The following ADSL variants were observed in gnomAD, a reference collection of about 807,000 sequenced individuals.
ADSL encodes the protein adenylosuccinase.
ADSL carries 44 observed loss-of-function variants against 62.1 expected under a neutral mutation model. The observed-to-expected ratio is 0.71, with a 90% CI of 0.56 to 0.91. The LOEUF is 0.91. ADSL is among the 40% of genes least tolerant of loss of function. The pLI is 0.00. For missense variants in ADSL, 531 were observed against 627.4 expected (o/e 0.85, Z 1.64); for synonymous variants, 198 against 220.5 (o/e 0.90, Z 0.90).
In ADSL at chr22:40,346,523, T is replaced by A. The variant is rs544434425; in HGVS notation, c.-36T>A. ...CCAGGTTTCCGCTTCCGCTCTTCCCTGGTCCAGTCCACCCTGGCGGGGTCG... is the reference window on the plus strand; with the variant it reads ...CCAGGTTTCCGCTTCCGCTCTTCCCAGGTCCAGTCCACCCTGGCGGGGTCG... On this transcript the variant is annotated 5_prime_UTR_variant, in exon 1 of 13. Coordinates refer to ENST00000623063, the MANE Select transcript of ADSL (RefSeq NM_000026.4). 15 of 1,586,932 alleles carry A rather than the reference T, an allele frequency of 9.5e-6. No homozygotes were observed. In the East Asian group the frequency reaches 3.4e-4, roughly 36 times the overall value.
At chr22:40,387,081 G>A in intron 2 of ADSL, 1 of 395,146 alleles carries the variant, frequency 2.5e-6, no homozygotes, top group Admixed American at 4.4e-5. Flanking sequence ...GATAACTAGA[G>A]TTGTGCTAGT....
chr22:40,364,863 C>A lies in ADSL; in HGVS notation c.1192-17C>A. 1 of 1,614,052 alleles carries A rather than the reference C, an allele frequency of 6.2e-7. No homozygotes were observed. Among genetic ancestry groups the A allele is most frequent in the Non-Finnish European group, 8.5e-7 (1 of 1,179,908 alleles). On this transcript the variant is annotated splice_polypyrimidine_tract_variant and intron_variant, in intron 11 of 12. Coordinates refer to ENST00000623063, the MANE Select transcript of ADSL (RefSeq NM_000026.4). ...CCCTGTTAGTAGGGAACTGACAATA[C>A]TTCACTGTCTTCCCAGGATTGCCAT... is the stretch of plus-strand genomic sequence containing the variant.
At chr22:40,363,740 A>G (rs1327190529) in intron 10 of ADSL, among the ~76,000 whole-genome samples, 3 of 151,912 alleles carry the variant, frequency 2.0e-5, no homozygotes, top group African/African-American at 7.2e-5. Flanking sequence ...CCATCTCAAA[A>G]AAAAAAAAAA....
At chr22:40,379,963 G>A (rs749587139) in intron 2 of ADSL, among the ~76,000 whole-genome samples, 4 of 152,004 alleles carry the variant, frequency 2.6e-5, no homozygotes, top group Admixed American at 6.6e-5. Context: ...CACCCTCCTC[G>A]GCCTCCTAAA....
rs527451978 is a variant in ADSL, at chr22:40,377,288, G to T, written c.89+10790G>T. On this transcript the variant is annotated intron_variant, in intron 2 of 2. Transcript: ENST00000498234. The stretch of plus-strand genomic sequence containing the variant: ...CTTTAATTTGAATCTTAGGTTGAAT[G>T]ACACAGTAACAAAAGTTCAATAAAC... Among the ~76,000 whole-genome samples, 12 of 152,306 alleles carry T rather than the reference G, an allele frequency of 7.9e-5. 1 individual carries two copies. Among genetic ancestry groups the T allele is most frequent in the African/African-American group, 2.9e-4 (12 of 41,570 alleles).
intron 2 of ADSL, among the ~76,000 whole-genome samples, chr22:40,381,295 G>C (rs1007610482): frequency 6.6e-6 from 1 of 151,988 alleles, no homozygotes; most frequent in African/African-American, 2.4e-5. Context: ...CTACAGGTGT[G>C]CACCACCACA....
intron 2 of ADSL, among the ~76,000 whole-genome samples, chr22:40,375,848 G>A (rs1311564292): frequency 1.3e-5 from 2 of 151,830 alleles, no homozygotes; most frequent in East Asian, 3.9e-4. Context: ...GACCAGCCTG[G>A]GCAACATGGT....
downstream of ADSL, among the ~76,000 whole-genome samples, chr22:40,373,711 G>A (rs1450269916): frequency 6.6e-6 from 1 of 152,040 alleles, no homozygotes; most frequent in East Asian, 1.9e-4. Flanking sequence ...TGCCTCCCGA[G>A]TTCAAGCAGT....
intron 2 of ADSL, among the ~76,000 whole-genome samples, chr22:40,350,701 C>G (rs1010405314): frequency 6.6e-6 from 1 of 152,084 alleles, no homozygotes; most frequent in African/African-American, 2.4e-5. Context: ...TCACTGCAAC[C>G]TCTGCCTCCC....
At chr22:40,377,781 G>C (rs1447997839) in intron 2 of ADSL, among the ~76,000 whole-genome samples, 2 of 151,796 alleles carry the variant, frequency 1.3e-5, no homozygotes, top group Non-Finnish European at 2.9e-5. Context: ...GGGAGGTCAA[G>C]GCTGCAGTGA....
At chr22:40,378,612 A>C (rs2146777070) in intron 2 of ADSL, among the ~76,000 whole-genome samples, 1 of 151,928 alleles carries the variant, frequency 6.6e-6, no homozygotes, top group Non-Finnish European at 1.5e-5. Context: ...GCATGCCTGT[A>C]ATCCCATCTA....
At chr22:40,375,165 C>T (rs2046341993) in intron 2 of ADSL, among the ~76,000 whole-genome samples, 1 of 152,262 alleles carries the variant, frequency 6.6e-6, no homozygotes, top group Admixed American at 6.5e-5. Context: ...TCTGCTTTTT[C>T]TAAGTGTGAT....
intron 7 of ADSL, among the ~76,000 whole-genome samples, chr22:40,360,935 A>G (rs1037791331): frequency 6.6e-6 from 1 of 152,110 alleles, no homozygotes; most frequent in Non-Finnish European, 1.5e-5. Flanking sequence ...TCCTGACCTC[A>G]GGTGATCCAC....
rs967956358 is a variant in ADSL at position 40,368,139 on chromosome 22, G to C, written c.*1617G>C. On this transcript the variant is annotated 3_prime_UTR_variant, in exon 13 of 13. Transcript: ENST00000623063. ...CTCGGCACTTCAAATATTGCCAGGT[G>C]CAGGAAGAGTGACTTGATTGTGTGT... The C allele has an allele frequency of 6.6e-6, 1 of 152,214 alleles. No homozygotes were observed. Among genetic ancestry groups the C allele is most frequent in the Non-Finnish European group, 1.5e-5 (1 of 68,054 alleles). 9.4% of individuals were successfully genotyped at this position (152,214 alleles called of 1,614,324 possible). A position where few individuals can be genotyped will look rare whatever the true frequency, so the allele number is the denominator to read the frequency against.
At chr22:40,356,784 A>G (rs1330148340) in intron 4 of ADSL, among the ~76,000 whole-genome samples, 5 of 152,170 alleles carry the variant, frequency 3.3e-5, no homozygotes, top group African/African-American at 1.2e-4. Flanking sequence ...TTGAGGCTAC[A>G]GTGAGCTGTG....
intron 9 of ADSL, among the ~76,000 whole-genome samples, chr22:40,362,163 G>A (rs190701966): frequency 1.1e-4 from 17 of 152,294 alleles, no homozygotes; most frequent in Non-Finnish European, 2.1e-4. Context: ...GAAATAATTT[G>A]TAACTACTGT....
chr22:40,364,428 C>T lies in ADSL; in HGVS notation c.1191+63C>T, dbSNP rs888495964. On this transcript the variant is annotated intron_variant, in intron 11 of 12. Coordinates refer to ENST00000623063, the MANE Select transcript of ADSL (RefSeq NM_000026.4). Reference sequence around the variant, plus strand: ...GCACGTTTGGTCCTGCTCTCTTCTCCGTGAAGGAGAGCAGATGAAGGTGTT... The same window carrying T: ...GCACGTTTGGTCCTGCTCTCTTCTCTGTGAAGGAGAGCAGATGAAGGTGTT... The T allele has an allele frequency of 1.1e-5, 15 of 1,393,136 alleles. No homozygotes were observed. The East Asian group carries it at 2.5e-4, about 24-fold the overall frequency. 86.3% of individuals were successfully genotyped at this position (1,393,136 alleles called of 1,614,324 possible). A position where few individuals can be genotyped will look rare whatever the true frequency, so the allele number is the denominator to read the frequency against.
At position 40,361,488 on chromosome 22, in the gene ADSL, G is replaced by C. The variant is rs776328750; in HGVS notation, c.863G>C (p.Gly288Ala). The C allele has an allele frequency of 8.1e-6, 13 of 1,614,052 alleles. No homozygotes were observed. The highest frequency in any genetic ancestry group is 9.3e-6 in the Non-Finnish European group (11 of 1,180,046). ...TCTTGTCCTTTTTTTACATGGGCAG[G>C]CTCAAGTGCGATGCCATATAAGCGG... ...MEEPFEKQQI[G>A]SSAMPYKRNP... Residue 288 changes from glycine (G) to alanine (A), a missense_variant and splice_region_variant, in exon 9 of 13, where the codon GGC becomes GCC. Around this residue, in one of 2 missense-constraint regions of ADSL, gnomAD observed 471 missense variants for 592.9 expected, o/e 0.79. Transcript: ENST00000623063.
chr22:40,383,391 TG>T (rs1203353050), intron 2 of ADSL, among the ~76,000 whole-genome samples: 2 of 148,508 alleles, frequency 1.3e-5, no homozygotes, highest in Non-Finnish European at 3.0e-5. Flanking sequence ...GGCGTGAACC[TG>T]GGAGGTGGAG....
Sources: allele counts gnomAD v4.1 joint callset (sites outside exome capture counted in the v4.1 genomes callset), GRCh38; gene constraint gnomAD v4.1.1; regional missense constraint gnomAD v4.1.1; transcripts MANE v1.5; gene names NCBI Gene and HGNC (gene_info 2026-07-23, HGNC 2026-07-21).